SDHA: variants seen among roughly 807,000 people sequenced by gnomAD.
The protein encoded by SDHA is succinate dehydrogenase complex flavoprotein subunit A.
SDHA carries 48 observed loss-of-function variants against 78.4 expected under a neutral mutation model. The observed-to-expected ratio is 0.61, with a 90% CI of 0.49 to 0.78. The LOEUF (loss-of-function observed/expected upper bound fraction) is 0.78, where lower values mean the gene tolerates loss of function less well. SDHA is among the 30% of genes least tolerant of loss of function. The pLI, the probability that SDHA is intolerant of heterozygous loss-of-function variation, is 0.00. For missense variants in SDHA, 680 were observed against 892.7 expected (o/e 0.76, Z 3.04); for synonymous variants, 326 against 353.9 (o/e 0.92, Z 0.88).
intron 5 of SDHA, among the ~76,000 whole-genome samples, chr5:226,587 G>A (rs896283759): frequency 7.2e-5 from 11 of 152,030 alleles, no homozygotes; most frequent in East Asian, 3.9e-4. Flanking sequence ...AGCCATGTTC[G>A]TACCACTGCA....
intron 3 of SDHA, chr5:224,793 C>G (rs865996683): frequency 2.0e-6 from 1 of 503,854 alleles, no homozygotes. Flanking sequence ...CCCACCTACC[C>G]CCGCCACCCC....
At chr5:223,671 A>G in intron 2 of SDHA, 103 bp downstream of exon 2, 1 of 798,308 alleles carries the variant, frequency 1.3e-6, no homozygotes, top group South Asian at 1.4e-5. Context: ...TAAGGGAAAA[A>G]TTTCTCATAG....
chr5:221,804 AG>A (rs1734731195), intron 1 of SDHA, among the ~76,000 whole-genome samples: 1 of 151,972 alleles, frequency 6.6e-6, no homozygotes, highest in African/African-American at 2.4e-5. Context: ...TTAGATTGAG[AG>A]GGTTAGTGTC....
chr5:263,394 T>C, the SDHA span, among the ~76,000 whole-genome samples: 2 of 152,170 alleles, frequency 1.3e-5, no homozygotes, highest in African/African-American at 2.4e-5. Flanking sequence ...GAGCGGACTA[T>C]TGGTGCACGC....
Position 251,475 on chromosome 5 carries a change from C to T in SDHA, c.1794+7C>T, listed in dbSNP as rs1340690786. The T allele has an allele frequency of 6.2e-7, 1 of 1,613,934 alleles. No individual in the cohort carries two copies. The highest frequency in any genetic ancestry group is 8.5e-7 in the Non-Finnish European group (1 of 1,179,868). On this transcript the variant is annotated splice_region_variant and intron_variant, in intron 13 of 14. Coordinates refer to ENST00000264932, the MANE Select transcript of SDHA (RefSeq NM_004168.4). ...TGCCAGGGAAGACTACAAGGTGGGC[C>T]TTCTCACCACGCCCACCTGCACCTG...
Position 236,469 on chromosome 5 carries a change from C to T in SDHA, c.1302C>T (p.Gly434=), listed in dbSNP as rs1579409486. ...HVNGQDQIVP[G]LYACGEAACA... Reference sequence around the variant, plus strand: ...ATGGCCAGGATCAGATTGTGCCCGGCCTGTACGCCTGTGGGGAGGCCGCCT... The same window carrying T: ...ATGGCCAGGATCAGATTGTGCCCGGTCTGTACGCCTGTGGGGAGGCCGCCT... Residue 434 remains glycine, a synonymous_variant, in exon 10 of 15, where the codon GGC becomes GGT. Coordinates refer to ENST00000264932, the MANE Select transcript of SDHA (RefSeq NM_004168.4). 1.2e-6 allele frequency: 2 copies of T among 1,613,940 alleles called. No homozygotes were observed. The highest frequency in any genetic ancestry group is 1.7e-6 in the Non-Finnish European group (2 of 1,179,818).
intron 14 of SDHA, among the ~76,000 whole-genome samples, chr5:255,509 T>A (rs1163865465): frequency 2.6e-5 from 4 of 152,202 alleles, no homozygotes; most frequent in African/African-American, 9.6e-5. Flanking sequence ...CAGGCTGATA[T>A]GTGTTGGCTT....
At chr5:238,725 G>A (rs1482802571) in intron 10 of SDHA, among the ~76,000 whole-genome samples, 1 of 152,176 alleles carries the variant, frequency 6.6e-6, no homozygotes, top group Non-Finnish European at 1.5e-5. Context: ...TTGGGAGGCC[G>A]AGGCAGGCAG....
intron 1 of SDHA, among the ~76,000 whole-genome samples, chr5:220,028 A>C (rs1184359066): frequency 6.6e-6 from 1 of 152,254 alleles, no homozygotes; most frequent in Non-Finnish European, 1.5e-5. Flanking sequence ...TAATCAAAAA[A>C]TTAGCAGAAA....
intron 11 of SDHA, chr5:250,099 A>G (rs2126629710): frequency 6.6e-6 from 1 of 152,380 alleles, no homozygotes; most frequent in East Asian, 1.9e-4. Flanking sequence ...AAAGAATGTA[A>G]TACTAGATTC....
intron 6 of SDHA, among the ~76,000 whole-genome samples, chr5:229,080 G>A (rs536544097): frequency 1.3e-5 from 2 of 151,804 alleles, no homozygotes; most frequent in Non-Finnish European, 1.5e-5. Flanking sequence ...ATCTCATCTC[G>A]CTCCAGTTAG....
chr5:236,591 G>T lies in SDHA; in HGVS notation c.1424G>T (p.Cys475Phe). 4 of 1,613,986 alleles carry T rather than the reference G, an allele frequency of 2.5e-6. No homozygotes were observed. Among genetic ancestry groups the T allele is most frequent in the Non-Finnish European group, 3.4e-6 (4 of 1,179,838 alleles). The change falls in exon 10 of 15, where the codon TGC (cysteine) becomes TTC (phenylalanine). Residue 475 changes from cysteine to phenylalanine, a missense_variant. Physicochemically the swap from Cys to Phe is radical, Grantham distance 205. Coordinates refer to ENST00000264932, the MANE Select transcript of SDHA (RefSeq NM_004168.4). Reference sequence around the variant, plus strand: ...TGTGCCCTGAGCATCGAAGAGTCATGCAGGCCTGGTAAGTGTTTTCTTCAG... The same window carrying T: ...TGTGCCCTGAGCATCGAAGAGTCATTCAGGCCTGGTAAGTGTTTTCTTCAG... The part of the protein sequence containing the change: ...RACALSIEES[C>F]RPGDKVPPIK...
rs1437488247 is a variant in SDHA at position 256,455 on chromosome 5, T to C, written c.*35T>C. On this transcript the variant is annotated 3_prime_UTR_variant, in exon 15 of 15. Transcript: ENST00000264932. ...ATGTGGTGATGACAGAATCAGCTTTTGTAATTATGTATAATAGCTCATGCA... is the reference window on the plus strand; with the variant it reads ...ATGTGGTGATGACAGAATCAGCTTTCGTAATTATGTATAATAGCTCATGCA... 6.7e-7 allele frequency: 1 copy of C among 1,503,012 alleles called. No individual in the cohort carries two copies. The highest frequency in any genetic ancestry group is 9.3e-7 in the Non-Finnish European group (1 of 1,079,414). 93.1% of individuals were successfully genotyped at this position (1,503,012 alleles called of 1,614,324 possible). A position where few individuals can be genotyped will look rare whatever the true frequency, so the allele number is the denominator to read the frequency against.
intron 13 of SDHA, among the ~76,000 whole-genome samples, chr5:253,728 C>G (rs1440715460): frequency 6.6e-6 from 1 of 152,166 alleles, no homozygotes. Context: ...AGCCACTGTG[C>G]CTGGCCAGTG....
At chr5:265,330 G>A in the SDHA span, among the ~76,000 whole-genome samples, 1 of 152,092 alleles carries the variant, frequency 6.6e-6, no homozygotes, top group East Asian at 1.9e-4. Flanking sequence ...TCTGCCCCAG[G>A]AGCAGTAGGC....
At chr5:257,658 A>G (rs1195212222), downstream of SDHA, among the ~76,000 whole-genome samples, 1 of 116,000 alleles carries the variant, frequency 8.6e-6, no homozygotes, top group East Asian at 2.3e-4. Context: ...CCAGAGCATT[A>G]CTGGGTGAGC....
intron 5 of SDHA, 99 bp downstream of exon 5, chr5:226,146 T>G (rs1216607047): frequency 4.3e-6 from 6 of 1,388,466 alleles, no homozygotes; most frequent in Non-Finnish European, 6.1e-6. Context: ...CAGCCAGAGA[T>G]TACGTAAAAA....
downstream of SDHA, among the ~76,000 whole-genome samples, chr5:259,055 C>T (rs866984630): frequency 6.9e-4 from 26 of 37,614 alleles, no homozygotes; most frequent in South Asian, 9.7e-4. Context: ...CCGCCTCCCG[C>T]CACAGCATTA....
rs1441135647 is a variant in SDHA at position 233,424 on chromosome 5, T to C, written c.896-53T>C. On this transcript the variant is annotated intron_variant, in intron 7 of 14. Coordinates refer to ENST00000264932, the MANE Select transcript of SDHA (RefSeq NM_004168.4). The stretch of plus-strand genomic sequence containing the variant: ...AATGTCTTGAAAAAAATAATGCATT[T>C]GAAATAGAGATCTAGCAATTGTTAG... 3 of 1,591,034 alleles carry C rather than the reference T, an allele frequency of 1.9e-6. No individual in the cohort carries two copies. The African/African-American group carries it at 4.0e-5, about 21-fold the overall frequency.
Sources: gnomAD v4.1 joint callset for allele counts (sites outside exome capture counted in the v4.1 genomes callset) on GRCh38, gnomAD v4.1.1 for gene constraint, MANE v1.5 for transcripts, NCBI Gene and HGNC (gene_info 2026-07-23, HGNC 2026-07-21) for gene names.